The following MAMLD1 variants were observed in gnomAD, a reference collection of about 807,000 sequenced individuals.
The protein encoded by MAMLD1 is mastermind like domain containing 1.
A neutral mutation model predicts 45.0 loss-of-function variants in MAMLD1; 14 were observed. That is an observed-to-expected ratio of 0.31 (90% CI 0.21 to 0.49). The LOEUF is 0.49. Among genes scored for constraint, MAMLD1 ranks in the 20% least tolerant of loss-of-function variants. The probability of loss-of-function intolerance (pLI) is 0.99; values close to 1 mark genes in which losing one functional copy is unlikely to be tolerated. For missense variants in MAMLD1, 543 were observed against 603.6 expected, an observed-to-expected ratio of 0.90 and a Z score of 1.05; for synonymous variants, 254 against 247.8, an observed-to-expected ratio of 1.02 and a Z score of -0.24.
intron 2 of MAMLD1, among the ~76,000 whole-genome samples, chrX:150,447,055 T>C (rs1201656856): frequency 8.9e-6 from 1 of 112,479 alleles, no homozygotes; most frequent in Non-Finnish European, 1.9e-5. Flanking sequence ...CAGTGTACAG[T>C]TGAATGCACA....
Position 150,391,088 on chromosome X carries a change from G to T in MAMLD1, c.-64+27558G>T, listed in dbSNP as rs1488506417. Reference sequence around the variant, plus strand: ...CATTATTCTCTGATTGCTCATAAGGGTTTTTTTCTGCTTCTTTTAGTTTTC... The same window carrying T: ...CATTATTCTCTGATTGCTCATAAGGTTTTTTTTCTGCTTCTTTTAGTTTTC... On this transcript the variant is annotated intron_variant, in intron 1 of 7. Transcript: ENST00000370401. Among the ~76,000 whole-genome samples the T allele has an allele frequency of 6.3e-5, 7 of 111,706 alleles. 1 individual carries two copies. The Middle Eastern group carries it at 0.014, about 222-fold the overall frequency.
chrX:150,364,760 G>T (rs1053413069), intron 1 of MAMLD1, among the ~76,000 whole-genome samples: 2 of 113,193 alleles, frequency 1.8e-5, no homozygotes, highest in Non-Finnish European at 1.9e-5. Flanking sequence ...GAACAAAGGC[G>T]CAAAGTCTCC....
chrX:150,466,772 C>T (rs2036233497), intron 3 of MAMLD1, among the ~76,000 whole-genome samples: 2 of 111,659 alleles, frequency 1.8e-5, no homozygotes, highest in South Asian at 3.9e-4. Context: ...GAGGTGCAGC[C>T]TCCTTCCCTT....
At chrX:150,508,252 C>A (rs965096288) in intron 6 of MAMLD1, among the ~76,000 whole-genome samples, 14 of 112,351 alleles carry the variant, frequency 1.2e-4, no homozygotes, top group African/African-American at 4.2e-4. Flanking sequence ...CATGTGACCC[C>A]CATGCTCCTC....
chrX:150,398,293 G>GAAGAAC (rs1569564556), intron 1 of MAMLD1, among the ~76,000 whole-genome samples: 52 of 87,673 alleles, frequency 5.9e-4, no homozygotes, highest in African/African-American at 2.3e-3. Flanking sequence ...AGAAGAAGAA[G>GAAGAAC]AAGAAGAAGA....
rs375892884 is a variant in MAMLD1, at chrX:150,470,776, C to T, written c.1203C>T (p.Pro401=). Residue 401 remains proline (P), a synonymous_variant, in exon 4 of 8, where the codon CCC becomes CCT. Coordinates refer to ENST00000370401, the MANE Select transcript of MAMLD1 (RefSeq NM_005491.5). ...CCAGCAGCAATGCTGCCCTGGGGCC[C>T]GCCATGCCCTATGCTCCTGAGAAGC... is the stretch of plus-strand genomic sequence containing the variant. ...MTSSSNAALG[P]AMPYAPEKLP... The T allele has an allele frequency of 5.8e-6, 7 of 1,210,547 alleles. No homozygotes were observed. Among genetic ancestry groups the T allele is most frequent in the Middle Eastern group, 2.3e-4 (1 of 4,353 alleles).
chrX:150,462,904 C>A, intron 3 of MAMLD1, 58 bp downstream of exon 3: 1 of 947,023 alleles, frequency 1.1e-6, no homozygotes, highest in Non-Finnish European at 1.5e-6. Flanking sequence ...GAAACTGAGG[C>A]CCCGAGTGTG....
At chrX:150,392,434 C>T (rs1294418282) in intron 1 of MAMLD1, among the ~76,000 whole-genome samples, 2 of 111,007 alleles carry the variant, frequency 1.8e-5, no homozygotes, top group Admixed American at 9.6e-5. Context: ...AGCCCCATCT[C>T]GTACCACCTC....
chrX:150,428,171 A>G (rs782811531), intron 1 of MAMLD1, among the ~76,000 whole-genome samples: 2 of 111,006 alleles, frequency 1.8e-5, no homozygotes, highest in East Asian at 5.7e-4. Context: ...CCAGGTGTGT[A>G]CTTAGAGCCT....
At chrX:150,488,910 G>A (rs1447007850) in intron 5 of MAMLD1, among the ~76,000 whole-genome samples, 1 of 113,137 alleles carries the variant, frequency 8.8e-6, no homozygotes, top group Non-Finnish European at 1.9e-5. Flanking sequence ...GCTAAGGGCT[G>A]CTGGACTTTG....
intron 5 of MAMLD1, among the ~76,000 whole-genome samples, chrX:150,497,598 T>C (rs1021794513): frequency 3.3e-4 from 26 of 78,642 alleles, no homozygotes; most frequent in African/African-American, 1.4e-3. Context: ...ATTTCTTTAG[T>C]GAGATTTATC....
chrX:150,401,553 A>G (rs1557402436), intron 1 of MAMLD1, among the ~76,000 whole-genome samples: 1 of 107,885 alleles, frequency 9.3e-6, no homozygotes, highest in African/African-American at 3.4e-5. Flanking sequence ...CTTTCTTCAC[A>G]GAATTGGAAA....
intron 1 of MAMLD1, among the ~76,000 whole-genome samples, chrX:150,443,230 T>A (rs1311648025): frequency 1.4e-5 from 1 of 69,426 alleles, no homozygotes; most frequent in Non-Finnish European, 2.8e-5. Flanking sequence ...TTTGAATACT[T>A]TTTTTTTTTT....
At chrX:150,423,476 A>G (rs2034596876) in intron 1 of MAMLD1, among the ~76,000 whole-genome samples, 4 of 109,386 alleles carry the variant, frequency 3.7e-5, no homozygotes, top group African/African-American at 1.3e-4. Flanking sequence ...TCAGCTGTAG[A>G]ACAACCGGAG....
intron 5 of MAMLD1, among the ~76,000 whole-genome samples, chrX:150,497,610 A>AC (rs56312443): frequency 0.5 from 53,848 of 107,794 alleles, 10,297 homozygotes; most frequent in East Asian, 0.65. Flanking sequence ...AGATTTATCT[A>AC]CCCCCTCCAC....
chrX:150,384,712 CTA>C (rs2032832640), intron 1 of MAMLD1, among the ~76,000 whole-genome samples: 2 of 111,823 alleles, frequency 1.8e-5, no homozygotes, highest in African/African-American at 3.2e-5. Flanking sequence ...AGATATATTT[CTA>C]TGTTTCTTCC....
chrX:150,461,631 C>T (rs2036041645), intron 2 of MAMLD1, among the ~76,000 whole-genome samples: 1 of 112,130 alleles, frequency 8.9e-6, no homozygotes, highest in African/African-American at 3.2e-5. Flanking sequence ...GGAGGCTCCA[C>T]ACAATTCATA....
intron 1 of MAMLD1, among the ~76,000 whole-genome samples, chrX:150,438,432 A>G (rs144970981): frequency 0.038 from 4,216 of 112,146 alleles, 79 homozygotes; most frequent in Non-Finnish European, 0.059. Flanking sequence ...AATGTTATGC[A>G]ACCATCACCT....
intron 1 of MAMLD1, among the ~76,000 whole-genome samples, chrX:150,427,124 T>C (rs1203287976): frequency 9.0e-6 from 1 of 111,439 alleles, no homozygotes; most frequent in Non-Finnish European, 1.9e-5. Context: ...CCCCTTTTTA[T>C]ACAGACACCA....
Sources: allele counts gnomAD v4.1 joint callset (sites outside exome capture counted in the v4.1 genomes callset), GRCh38; gene constraint gnomAD v4.1.1; transcripts MANE v1.5; gene names NCBI Gene and HGNC (gene_info 2026-07-23, HGNC 2026-07-21).